BEND4: variants seen among roughly 807,000 people sequenced by gnomAD.
The protein encoded by BEND4 is BEN domain containing 4.
Under a neutral mutation model 54.7 loss-of-function variants are expected in BEND4, and 27 were observed. That is an observed-to-expected ratio of 0.49 (90% CI 0.36 to 0.68). The LOEUF (loss-of-function observed/expected upper bound fraction) is 0.68, where lower values mean the gene tolerates loss of function less well. Ranked by LOEUF, BEND4 falls within the 30% of genes least tolerant of loss-of-function variation. BEND4 has a pLI of 0.00. For missense variants in BEND4, 702 were observed against 697.2 expected, an observed-to-expected ratio of 1.01 and a Z score of -0.08; for synonymous variants, 327 against 299.5, an observed-to-expected ratio of 1.09 and a Z score of -0.95.
chr4:42,144,175 G>A (rs1157507554), intron 2 of BEND4, 181 bp from the exon 3 acceptor site: 12 of 639,084 alleles, frequency 1.9e-5, no homozygotes, highest in Admixed American at 1.6e-4. Context: ...GTTGTTCTGC[G>A]ACTGCGGGAT....
At chr4:42,123,795 A>G (rs1204284959) in intron 4 of BEND4, among the ~76,000 whole-genome samples, 1 of 151,798 alleles carries the variant, frequency 6.6e-6, no homozygotes. Flanking sequence ...AGGAAAAGAG[A>G]GGCAGTTCAA....
intron 3 of BEND4, among the ~76,000 whole-genome samples, chr4:42,129,317 G>A (rs1720416975): frequency 6.6e-6 from 1 of 152,108 alleles, no homozygotes; most frequent in Admixed American, 6.6e-5. Flanking sequence ...TCATGGATAG[G>A]AAGAATCAAT....
chr4:42,137,350 T>G (rs997436290), intron 3 of BEND4, among the ~76,000 whole-genome samples: 1 of 152,142 alleles, frequency 6.6e-6, no homozygotes, highest in Admixed American at 6.5e-5. Context: ...CCTTACAGCA[T>G]ACACAAAAAT....
intron 4 of BEND4, among the ~76,000 whole-genome samples, chr4:42,122,527 G>A (rs780921761): frequency 4.5e-4 from 68 of 152,268 alleles, no homozygotes; most frequent in Non-Finnish European, 8.1e-4. Context: ...TGGCTACAAT[G>A]AAGAATTCTT....
intron 4 of BEND4, among the ~76,000 whole-genome samples, chr4:42,122,504 C>T (rs1240469116): frequency 6.6e-6 from 1 of 152,188 alleles, no homozygotes; most frequent in African/African-American, 2.4e-5. Flanking sequence ...ACACAGCAGA[C>T]ACCCAGTAAT....
At chr4:42,125,800 G>A (rs1720257353) in intron 3 of BEND4, 126 bp from the exon 4 acceptor site, 3 of 602,246 alleles carry the variant, frequency 5.0e-6, no homozygotes, top group African/African-American at 3.8e-5. Context: ...GTGCAGTGTG[G>A]TGATCTCAGC....
intron 2 of BEND4, among the ~76,000 whole-genome samples, chr4:42,149,494 C>G (rs1577771988): frequency 6.6e-6 from 1 of 152,152 alleles, no homozygotes; most frequent in African/African-American, 2.4e-5. Context: ...GGGATCCAGC[C>G]CTTGGTGCTA....
chr4:42,144,873 G>C (rs1721023736), intron 2 of BEND4, among the ~76,000 whole-genome samples: 1 of 152,146 alleles, frequency 6.6e-6, no homozygotes, highest in Non-Finnish European at 1.5e-5. Flanking sequence ...GAAGGGTCTT[G>C]AAAATTTACC....
intron 4 of BEND4, among the ~76,000 whole-genome samples, chr4:42,121,888 A>T (rs939529454): frequency 6.6e-6 from 1 of 152,176 alleles, no homozygotes; most frequent in Admixed American, 6.5e-5. Context: ...TGTCTTTCAC[A>T]AAAATGAGGA....
chr4:42,124,587 C>CTGG (rs1208087669), intron 4 of BEND4, among the ~76,000 whole-genome samples: 2 of 152,126 alleles, frequency 1.3e-5, no homozygotes, highest in Non-Finnish European at 2.9e-5. Flanking sequence ...AAAAGGGTCA[C>CTGG]TGGACCAGAC....
chr4:42,117,584 C>T lies in BEND4; in HGVS notation c.1539G>A (p.Gly513=), dbSNP rs1360708257. 5.0e-6 allele frequency: 8 copies of T among 1,613,308 alleles called. No homozygotes were observed. In the South Asian group the frequency reaches 5.5e-5, roughly 11 times the overall value. ...FLHNGGSFYE[G]IDHQASQDEV... ...CATCCTGAGAAGCCTGGTGATCGAT[C>T]CCTTCATAAAATGAGCCACCGTTGT... The change falls in exon 6 of 6, where the codon GGG becomes GGA. Residue 513 remains glycine, a synonymous_variant. Transcript: ENST00000502486.
rs1039197448 is a variant in BEND4 at position 42,113,114 on chromosome 4, G to A, written c.*4404C>T. ...ATGTTTTGCCAAACAGTTCTGGCAC[G>A]TGTTGCCACATTAAACATACACCAG... On this transcript the variant is annotated 3_prime_UTR_variant, in exon 6 of 6. Coordinates refer to ENST00000502486, the MANE Select transcript of BEND4 (RefSeq NM_207406.4). The A allele has an allele frequency of 6.6e-6, 1 of 152,174 alleles. No homozygotes were observed. The highest frequency in any genetic ancestry group is 1.5e-5 in the Non-Finnish European group (1 of 68,022). 9.4% of individuals were successfully genotyped at this position (152,174 alleles called of 1,614,324 possible). A position where few individuals can be genotyped will look rare whatever the true frequency, so the allele number is the denominator to read the frequency against.
At position 42,152,116 on chromosome 4, in the gene BEND4, CCT is replaced by C; in HGVS notation, c.26_27del (p.Glu9GlyfsTer144). MEEEMQPA[E>X]EGPSVPKIYK... Reference sequence around the variant, plus strand: ...TAGATTTTGGGGACGCTGGGCCCCTCCTCTGCCGGCTGCATCTCTTCCTCCAT... The same window carrying C: ...TAGATTTTGGGGACGCTGGGCCCCTCCTGCCGGCTGCATCTCTTCCTCCAT... On this transcript the variant is annotated frameshift_variant, in exon 2 of 6. Coordinates refer to ENST00000502486, the MANE Select transcript of BEND4 (RefSeq NM_207406.4). LOFTEE classifies it high-confidence loss of function. 1 of 1,247,086 alleles carries C rather than the reference CCT, an allele frequency of 8.0e-7. No homozygotes were observed. Among genetic ancestry groups the C allele is most frequent in the Non-Finnish European group, 1.0e-6 (1 of 987,042 alleles). The allele number at this position is 1,247,086 out of a possible 1,614,324, so 77.3% of individuals were successfully genotyped here. A position where few individuals can be genotyped will look rare whatever the true frequency, so the allele number is the denominator to read the frequency against.
intron 3 of BEND4, among the ~76,000 whole-genome samples, chr4:42,139,209 G>A (rs1720800019): frequency 1.3e-5 from 2 of 152,080 alleles, no homozygotes; most frequent in Admixed American, 1.3e-4. Context: ...CTTCTAAACA[G>A]ACTTTCTAAT....
At chr4:42,133,555 T>C (rs908927455) in intron 3 of BEND4, among the ~76,000 whole-genome samples, 3 of 152,356 alleles carry the variant, frequency 2.0e-5, no homozygotes, top group Non-Finnish European at 2.9e-5. Context: ...TGATCTCACC[T>C]GTACAACTGG....
At chr4:42,132,693 C>A (rs1232544648) in intron 3 of BEND4, among the ~76,000 whole-genome samples, 1 of 152,162 alleles carries the variant, frequency 6.6e-6, no homozygotes, top group African/African-American at 2.4e-5. Flanking sequence ...GATCCACCCG[C>A]CTCAGCCTCC....
intron 2 of BEND4, among the ~76,000 whole-genome samples, chr4:42,149,004 G>A (rs1032604633): frequency 3.9e-5 from 6 of 152,028 alleles, no homozygotes; most frequent in African/African-American, 1.5e-4. Context: ...GCCCTTAATG[G>A]CAAATAAGAT....
At chr4:42,125,745 G>GTTT in intron 3 of BEND4, 71 bp from the exon 4 acceptor site, 89 of 823,654 alleles carry the variant, frequency 1.1e-4, no homozygotes, top group Non-Finnish European at 1.3e-4. Context: ...ATTTTTTAAA[G>GTTT]TTTTTTTTTT....
chr4:42,146,558 C>T (rs1417527731), intron 2 of BEND4, among the ~76,000 whole-genome samples: 4 of 152,020 alleles, frequency 2.6e-5, no homozygotes, highest in East Asian at 3.8e-4. Flanking sequence ...CTGAACTATA[C>T]AAGTAAGAGG....
Sources: allele counts gnomAD v4.1 joint callset (sites outside exome capture counted in the v4.1 genomes callset), GRCh38; gene constraint gnomAD v4.1.1; transcripts MANE v1.5; gene names NCBI Gene and HGNC (gene_info 2026-07-23, HGNC 2026-07-21).